The following PLA2G7 variants were observed in gnomAD, a reference collection of about 807,000 sequenced individuals.
PLA2G7 encodes the protein platelet-activating factor acetylhydrolase.
In PLA2G7, 63 loss-of-function variants were observed where a neutral mutation model predicts 49.6. That is an observed-to-expected ratio of 1.27 (90% CI 1.04 to 1.57). PLA2G7 has a LOEUF of 1.57. Among genes scored for constraint, PLA2G7 ranks in the 40% most tolerant of loss-of-function variants. PLA2G7 has a pLI of 0.00. For missense variants in PLA2G7, 596 were observed against 521.2 expected (o/e 1.14, Z -1.40); for synonymous variants, 193 against 169.9 (o/e 1.14, Z -1.06).
intron 3 of PLA2G7, 60 bp from the exon 4 acceptor site, chr6:46,716,588 G>T (rs1215702667): frequency 1.9e-6 from 3 of 1,567,156 alleles, no homozygotes; most frequent in Non-Finnish European, 2.6e-6. Flanking sequence ...TATTCCAGCA[G>T]CTATTTTGCA....
intron 9 of PLA2G7, 148 bp from the exon 10 acceptor site, chr6:46,708,309 AATGTGG>A: frequency 1.4e-6 from 1 of 707,436 alleles, no homozygotes; most frequent in Admixed American, 2.0e-5. Flanking sequence ...ATCATACTTC[AATGTGG>A]GAAAGGGATA....
chr6:46,708,014 T>C lies in PLA2G7; in HGVS notation c.1017A>G (p.Lys339=), dbSNP rs774443009. The change falls in exon 10 of 12, where the codon AAA becomes AAG. Residue 339 remains lysine (K), a synonymous_variant. Coordinates refer to ENST00000274793, the MANE Select transcript of PLA2G7 (RefSeq NM_005084.4). ...ACCTGATTGTAATCATCTTTCTTTC[T>C]TTATCAGGTGAGTAGCATTTTTTCA... ...IKMKKCYSPD[K]ERKMITIRGS... 3.2e-6 allele frequency: 5 copies of C among 1,575,878 alleles called. No individual in the cohort carries two copies. The highest frequency in any genetic ancestry group is 4.4e-6 in the Non-Finnish European group (5 of 1,146,020).
In PLA2G7 at chr6:46,707,992, T is replaced by C; in HGVS notation, c.1039A>G (p.Arg347Gly). Residue 347 changes from arginine to glycine, a missense_variant and splice_region_variant, in exon 10 of 12, where the codon AGG (arginine) becomes GGG (glycine). By Grantham distance (125) the Arg-to-Gly change is moderately radical (BLOSUM62 -2). Coordinates refer to ENST00000274793, the MANE Select transcript of PLA2G7 (RefSeq NM_005084.4). Reference sequence around the variant, plus strand: ...ATGAAATAAGTCACTAATACTTACCTGATTGTAATCATCTTTCTTTCTTTA... The same window carrying C: ...ATGAAATAAGTCACTAATACTTACCCGATTGTAATCATCTTTCTTTCTTTA... ...PDKERKMITI[R>G]GSVHQNFADF... 1 of 1,551,920 alleles carries C rather than the reference T, an allele frequency of 6.4e-7. No homozygotes were observed. The highest frequency in any genetic ancestry group is 1.7e-5 in the Admixed American group (1 of 59,620).
intron 1 of PLA2G7, among the ~76,000 whole-genome samples, chr6:46,725,456 T>G (rs1292811103): frequency 6.6e-6 from 1 of 152,070 alleles, no homozygotes; most frequent in Non-Finnish European, 1.5e-5. Flanking sequence ...GGTCTTGATC[T>G]CCTGACCTCA....
chr6:46,711,039 G>A (rs757731369), intron 7 of PLA2G7, among the ~76,000 whole-genome samples: 1 of 152,138 alleles, frequency 6.6e-6, no homozygotes, highest in Non-Finnish European at 1.5e-5. Flanking sequence ...TAATAGCTCT[G>A]TAAGACAAAT....
At chr6:46,728,284 G>A (rs529198684) in intron 1 of PLA2G7, among the ~76,000 whole-genome samples, 3 of 152,300 alleles carry the variant, frequency 2.0e-5, no homozygotes, top group African/African-American at 7.2e-5. Context: ...TTAATGTCTG[G>A]AGATATTTTT....
rs1451295900 is a variant in PLA2G7 at position 46,711,602 on chromosome 6, G to A, written c.557C>T (p.Ala186Val). Residue 186 changes from alanine to valine, a missense_variant, in exon 7 of 12, where the codon GCA becomes GTA. Coordinates refer to ENST00000274793, the MANE Select transcript of PLA2G7 (RefSeq NM_005084.4). ...AGATTGGTCCTTGAAATAGTAAGTT[G>A]CAGATGCAGATCTATCTCTATAATA... The part of the protein sequence containing the change: ...AVEHRDRSAS[A>V]TYYFKDQSAA... 1.2e-6 allele frequency: 2 copies of A among 1,613,402 alleles called. No homozygotes were observed. The highest frequency in any genetic ancestry group is 1.1e-5 in the South Asian group (1 of 91,070).
chr6:46,730,114 A>G (rs1765690503), intron 1 of PLA2G7, among the ~76,000 whole-genome samples: 1 of 152,234 alleles, frequency 6.6e-6, no homozygotes. Flanking sequence ...TTAACAAATA[A>G]AGGTTCAGGA....
intron 2 of PLA2G7, among the ~76,000 whole-genome samples, chr6:46,721,733 G>A (rs1765409395): frequency 6.6e-6 from 1 of 151,564 alleles, no homozygotes. Flanking sequence ...GAATGGACCT[G>A]TGAGATATTA....
In PLA2G7 at chr6:46,705,132, AT is replaced by A. The variant is rs775780544; in HGVS notation, c.1189+20del. On this transcript the variant is annotated intron_variant, in intron 11 of 11. Coordinates refer to ENST00000274793, the MANE Select transcript of PLA2G7 (RefSeq NM_005084.4). ...TCCTGAGATTCATCTGGTTTAGGTC[AT>A]GAAAAAAATAGTTTCTTACCTAAAT... The A allele has an allele frequency of 5.5e-5, 86 of 1,575,362 alleles. No individual in the cohort carries two copies. Among genetic ancestry groups the A allele is most frequent in the Non-Finnish European group, 6.7e-5 (77 of 1,146,594 alleles).
At chr6:46,711,427 A>T in intron 7 of PLA2G7, 69 bp downstream of exon 7, 1 of 1,571,902 alleles carries the variant, frequency 6.4e-7, no homozygotes, top group Non-Finnish European at 8.8e-7. Flanking sequence ...GTAAAATTAA[A>T]TTAACAAATG....
intron 6 of PLA2G7, 63 bp downstream of exon 6, chr6:46,712,206 T>C: frequency 9.9e-7 from 1 of 1,007,602 alleles, no homozygotes; most frequent in East Asian, 2.4e-5. Flanking sequence ...ATTAGAAACA[T>C]AGTTATGAGC....
intron 1 of PLA2G7, among the ~76,000 whole-genome samples, chr6:46,732,634 C>T (rs1004482525): frequency 6.6e-6 from 1 of 152,164 alleles, no homozygotes; most frequent in South Asian, 2.1e-4. Flanking sequence ...ATTCAATGAG[C>T]ATCTACTCTT....
intron 2 of PLA2G7, among the ~76,000 whole-genome samples, chr6:46,718,698 CCAGA>C (rs760632350): frequency 3.3e-5 from 5 of 152,196 alleles, no homozygotes; most frequent in Admixed American, 6.5e-5. Flanking sequence ...CCCTGATTTC[CCAGA>C]CAGACTTAAT....
chr6:46,711,064 T>C (rs1765004742), intron 7 of PLA2G7, among the ~76,000 whole-genome samples: 1 of 152,070 alleles, frequency 6.6e-6, no homozygotes, highest in South Asian at 2.1e-4. Context: ...TTTCTATTCA[T>C]TATTCTATAA....
chr6:46,719,481 G>A (rs1364675390), intron 2 of PLA2G7, among the ~76,000 whole-genome samples: 3 of 152,182 alleles, frequency 2.0e-5, no homozygotes, highest in Non-Finnish European at 4.4e-5. Flanking sequence ...GAGACACTGG[G>A]CTGAAGTTCC....
intron 1 of PLA2G7, among the ~76,000 whole-genome samples, chr6:46,727,626 A>G (rs879622717): frequency 4.0e-4 from 61 of 152,222 alleles, no homozygotes; most frequent in African/African-American, 1.4e-3. Flanking sequence ...AATTAATGTT[A>G]ATCAGTTGAC....
At chr6:46,722,077 T>C (rs1411515900) in intron 2 of PLA2G7, among the ~76,000 whole-genome samples, 12 of 152,198 alleles carry the variant, frequency 7.9e-5, no homozygotes, top group African/African-American at 2.4e-4. Context: ...CTTTTTCCAA[T>C]TAAGGTCTCT....
intron 1 of PLA2G7, among the ~76,000 whole-genome samples, chr6:46,734,455 A>G (rs1381352683): frequency 1.7e-5 from 2 of 114,918 alleles, no homozygotes; most frequent in African/African-American, 4.3e-5. Context: ...AGAGAGAGAG[A>G]GAGAGAGAGA....
Sources: allele counts gnomAD v4.1 joint callset (sites outside exome capture counted in the v4.1 genomes callset), GRCh38; gene constraint gnomAD v4.1.1; transcripts MANE v1.5; gene names NCBI Gene and HGNC (gene_info 2026-07-23, HGNC 2026-07-21).